TLCD3B: variants seen among roughly 807,000 people sequenced by gnomAD.
TLCD3B encodes ceramide synthase.
Under a neutral mutation model 23.0 loss-of-function variants are expected in TLCD3B, and 9 were observed. That is an observed-to-expected ratio of 0.39 (90% CI 0.24 to 0.68). The LOEUF (loss-of-function observed/expected upper bound fraction) is 0.68. Among genes scored for constraint, TLCD3B ranks in the 30% least tolerant of loss-of-function variants. The pLI, the probability that TLCD3B is intolerant of heterozygous loss-of-function variation, is 0.44. For synonymous variants in TLCD3B, 161 were observed against 161.0 expected, an observed-to-expected ratio of 1.00 and a Z score of 0.00; for missense variants, 307 against 371.8, an observed-to-expected ratio of 0.83 and a Z score of 1.43.
chr16:30,024,540 G>C lies in TLCD3B; in HGVS notation c.*643C>G. On this transcript the variant is annotated 3_prime_UTR_variant, in exon 5 of 5. Coordinates refer to ENST00000380495, the MANE Select transcript of TLCD3B (RefSeq NM_031478.6). ...TCAGTAGCACCAGGGACATGGCAGGGCCCGAGGGCGCGATGTGCAGCCGAT... is the reference window on the plus strand; with the variant it reads ...TCAGTAGCACCAGGGACATGGCAGGCCCCGAGGGCGCGATGTGCAGCCGAT... 1 of 432,058 alleles carries C rather than the reference G, an allele frequency of 2.3e-6. No homozygotes were observed. The highest frequency in any genetic ancestry group is 4.1e-5 in the South Asian group (1 of 24,640). 26.8% of individuals were successfully genotyped at this position (432,058 alleles called of 1,614,324 possible).
At chr16:30,043,289 G>A (rs2071606221) in intron 2 of TLCD3B, among the ~76,000 whole-genome samples, 2 of 152,178 alleles carry the variant, frequency 1.3e-5, no homozygotes, top group Non-Finnish European at 1.5e-5. Flanking sequence ...ACACTGGTAC[G>A]ATTAGCTCAC....
chr16:30,029,661 G>A lies in TLCD3B; in HGVS notation c.126-146C>T. ...GCCTGCCTTCGCCCAAGGCTGGGCT[G>A]CCTGAGGTGTGCCCCACCACAGGTA... On this transcript the variant is annotated intron_variant, in intron 1 of 4. Transcript: ENST00000380495. The surrounding 1 kb of genome is among the most constrained non-coding windows in gnomAD (Gnocchi z 4.6). The A allele has an allele frequency of 1.4e-6, 1 of 705,338 alleles. No homozygotes were observed. Among genetic ancestry groups the A allele is most frequent in the Non-Finnish European group, 2.5e-6 (1 of 407,252 alleles). The allele number at this position is 705,338 out of a possible 1,614,324, so 43.7% of individuals were successfully genotyped here. A position where few individuals can be genotyped will look rare whatever the true frequency, so the allele number is the denominator to read the frequency against.
Position 30,025,368 on chromosome 16 carries a change from C to G in TLCD3B, c.640G>C (p.Ala214Pro). ...GGCAGGCCGGCATGGCGCCCGTAGG[C>G]CCAGTACAGGTAGGGAAAGAGCAGC... is the stretch of plus-strand genomic sequence containing the variant. ...RVLLFPYLYW[A>P]YGRHAGLPLL... The change falls in exon 5 of 5, where the codon GCC becomes CCC. Residue 214 changes from alanine to proline, a missense_variant. Physicochemically the swap from Ala to Pro is conservative, Grantham distance 27. Coordinates refer to ENST00000380495, the MANE Select transcript of TLCD3B (RefSeq NM_031478.6). The surrounding 1 kb of genome is among the most constrained non-coding windows in gnomAD (Gnocchi z 4.1). 6.2e-7 allele frequency: 1 copy of G among 1,605,390 alleles called. No individual in the cohort carries two copies. The highest frequency in any genetic ancestry group is 8.5e-7 in the Non-Finnish European group (1 of 1,176,088).
At chr16:30,050,048 T>C (rs2071727457) in intron 1 of TLCD3B, among the ~76,000 whole-genome samples, 1 of 152,146 alleles carries the variant, frequency 6.6e-6, no homozygotes, top group South Asian at 2.1e-4. Context: ...TCCTGCATAA[T>C]GTATGAGCCC....
intron 1 of TLCD3B, among the ~76,000 whole-genome samples, chr16:30,052,555 G>GGTGT (rs905738805): frequency 6.1e-5 from 9 of 147,130 alleles, no homozygotes; most frequent in Admixed American, 4.7e-4. Flanking sequence ...AAATTAGCCG[G>GGTGT]GTGTGGTAGT....
Position 30,025,767 on chromosome 16 carries a change from C to T in TLCD3B, c.499G>A (p.Val167Ile), listed in dbSNP as rs757190900. 7.4e-6 allele frequency: 12 copies of T among 1,614,024 alleles called. No individual in the cohort carries two copies. The Admixed American group carries it at 1.3e-4, about 18-fold the overall frequency. Residue 167 changes from valine (V) to isoleucine (I), a missense_variant, in exon 4 of 5, where the codon GTC becomes ATC. Transcript: ENST00000380495. This position sits in a 1 kb window ranked among gnomAD's most constrained non-coding sequence, Gnocchi z 4.1. ...CCAAGGCAGACGAAGGGCGTGCTGA[C>T]CTCTGCCATCAACATGCAACCCAGA... The part of the protein sequence containing the change: ...FFLGCMLMAE[V>I]STPFVCLGKI...
chr16:30,051,743 T>C (rs777619688), intron 1 of TLCD3B, among the ~76,000 whole-genome samples: 2 of 152,004 alleles, frequency 1.3e-5, no homozygotes, highest in Non-Finnish European at 2.9e-5. Context: ...ACAGTATCTG[T>C]AGGATGCTGT....
Position 30,025,022 on chromosome 16 carries a change from C to T in TLCD3B, c.*161G>A. ...GGGAAGAGGTCCCCTCTCTCCACCC[C>T]CTCAGTCCCCGAGAGATGGGGCCTC... On this transcript the variant is annotated 3_prime_UTR_variant, in exon 5 of 5. Coordinates refer to ENST00000380495, the MANE Select transcript of TLCD3B (RefSeq NM_031478.6). This position sits in a 1 kb window ranked among gnomAD's most constrained non-coding sequence, Gnocchi z 4.1. The T allele has an allele frequency of 1.8e-6, 1 of 557,628 alleles. No homozygotes were observed. Among genetic ancestry groups the T allele is most frequent in the Non-Finnish European group, 3.1e-6 (1 of 324,944 alleles). The allele number at this position is 557,628 out of a possible 1,614,324, so 34.5% of individuals were successfully genotyped here. A position where few individuals can be genotyped will look rare whatever the true frequency, so the allele number is the denominator to read the frequency against.
chr16:30,025,167 G>A lies in TLCD3B; in HGVS notation c.*16C>T. ...GGGGGTGGGGGTGGGGAGGGGGAGG[G>A]TCCCGGCCCCCGGCCTCAGTCCTGG... On this transcript the variant is annotated 3_prime_UTR_variant, in exon 5 of 5. Coordinates refer to ENST00000380495, the MANE Select transcript of TLCD3B (RefSeq NM_031478.6). This position sits in a 1 kb window ranked among gnomAD's most constrained non-coding sequence, Gnocchi z 4.1. The A allele has an allele frequency of 1.4e-6, 2 of 1,426,828 alleles. No individual in the cohort carries two copies. The highest frequency in any genetic ancestry group is 9.2e-7 in the Non-Finnish European group (1 of 1,089,026). The allele number at this position is 1,426,828 out of a possible 1,614,324, so 88.4% of individuals were successfully genotyped here.
Position 30,030,506 on chromosome 16 carries a change from C to G in TLCD3B, c.22G>C (p.Gly8Arg). Residue 8 changes from glycine (G) to arginine (R), a missense_variant, in exon 1 of 5, where the codon GGG becomes CGG. By Grantham distance (125) the Gly-to-Arg change is moderately radical. Transcript: ENST00000380495. ...AAGAGTCCGGGGAACACCACCCCCC[C>G]GGCCACCATCGGGGTCAGCATGGTG... The part of the protein sequence containing the change: MLTPMVA[G>R]GVVFPGLFLL... 1 of 1,590,766 alleles carries G rather than the reference C, an allele frequency of 6.3e-7. No individual in the cohort carries two copies. Among genetic ancestry groups the G allele is most frequent in the Non-Finnish European group, 8.5e-7 (1 of 1,171,292 alleles).
upstream of TLCD3B, chr16:30,035,565 C>A (rs149378381): frequency 1.6e-6 from 2 of 1,233,046 alleles, no homozygotes; most frequent in African/African-American, 1.5e-5. Context: ...TTCTTCACCC[C>A]CAATGAGGCA....
chr16:30,043,607 G>C (rs1230336620), intron 2 of TLCD3B, among the ~76,000 whole-genome samples: 1 of 149,602 alleles, frequency 6.7e-6, no homozygotes, highest in Non-Finnish European at 1.5e-5. Context: ...CATGCAGGTA[G>C]AAAGTGGCAC....
chr16:30,047,895 C>T (rs1596781869), intron 1 of TLCD3B, among the ~76,000 whole-genome samples: 1 of 149,478 alleles, frequency 6.7e-6, no homozygotes, highest in Non-Finnish European at 1.5e-5. Flanking sequence ...TAATCCCAGC[C>T]CTTTGGGAGG....
At chr16:30,047,544 ACTCCTGAC>A (rs1281328943) in intron 1 of TLCD3B, among the ~76,000 whole-genome samples, 1 of 151,820 alleles carries the variant, frequency 6.6e-6, no homozygotes, top group Non-Finnish European at 1.5e-5. Flanking sequence ...CTGGTCACGA[ACTCCTGAC>A]CTCAAGTGAT....
chr16:30,027,481 A>G (rs2150978412), intron 2 of TLCD3B: 4 of 436,826 alleles, frequency 9.2e-6, no homozygotes, highest in South Asian at 6.4e-5. Context: ...CATCCCCACC[A>G]TCCCCAGAAG....
chr16:30,033,744 G>A (rs1321944794), upstream of TLCD3B: 1 of 152,064 alleles, frequency 6.6e-6, no homozygotes, highest in Non-Finnish European at 1.5e-5. Context: ...CAGATCACCT[G>A]AGATCAGGAG....
upstream of TLCD3B, chr16:30,035,442 A>C (rs77730873): frequency 0.023 from 29,361 of 1,289,580 alleles, 434 homozygotes; most frequent in Non-Finnish European, 0.026. Flanking sequence ...CACAACGGGA[A>C]GAAGACGCAA....
At position 30,026,786 on chromosome 16, in the gene TLCD3B, G is replaced by A; in HGVS notation, c.267C>T (p.Ile89=). ...QFAVPYFIYD[I]YAMFLCHWHK... is the part of the protein sequence containing the mutation. ...GCCAGTGACAGAGGAACATGGCGTA[G>A]ATGTCGTAGATGAAGTAGGGCACAG... is the stretch of plus-strand genomic sequence containing the variant. The change falls in exon 3 of 5, where the codon ATC becomes ATT. Residue 89 remains isoleucine (I), a synonymous_variant. Transcript: ENST00000380495. 1 of 1,614,180 alleles carries A rather than the reference G, an allele frequency of 6.2e-7. No individual in the cohort carries two copies. Among genetic ancestry groups the A allele is most frequent in the East Asian group, 2.2e-5 (1 of 44,886 alleles).
chr16:30,041,973 T>C (rs1175801743), intron 2 of TLCD3B, among the ~76,000 whole-genome samples: 2 of 152,186 alleles, frequency 1.3e-5, no homozygotes, highest in Non-Finnish European at 2.9e-5. Context: ...GGGAAAAATC[T>C]TGGTTTGGAG....
Sources: allele counts gnomAD v4.1 joint callset (sites outside exome capture counted in the v4.1 genomes callset), GRCh38; gene constraint gnomAD v4.1.1; non-coding constraint Gnocchi (gnomAD v3.1); transcripts MANE v1.5; gene names NCBI Gene and HGNC (gene_info 2026-07-23, HGNC 2026-07-21).